The following ADAMTSL1 variants were observed in gnomAD, a reference collection of about 807,000 sequenced individuals.
ADAMTSL1 encodes ADAMTS like 1, also known as ADAMTS-like protein 1.
ADAMTSL1 carries 126 observed loss-of-function variants against 201.8 expected under a neutral mutation model. The ratio of observed to expected loss-of-function variants is 0.62; its 90% CI spans 0.54 to 0.72. The LOEUF (loss-of-function observed/expected upper bound fraction) is 0.72. Ranked by LOEUF, ADAMTSL1 falls within the 30% of genes least tolerant of loss-of-function variation. The pLI, the probability that ADAMTSL1 is intolerant of heterozygous loss-of-function variation, is 0.00. For missense variants in ADAMTSL1, 2,679 were observed against 2,277.8 expected, an observed-to-expected ratio of 1.18 and a Z score of -3.59; for synonymous variants, 1,121 against 903.4, an observed-to-expected ratio of 1.24 and a Z score of -4.32.
At chr9:18,464,862 C>T (rs988286295) in intron 2 of ADAMTSL1, among the ~76,000 whole-genome samples, 1 of 152,108 alleles carries the variant, frequency 6.6e-6, no homozygotes, top group African/African-American at 2.4e-5. Context: ...TTGTTTAAAA[C>T]TATAGACTGA....
chr9:17,971,660 C>G (rs1294062000), intron 1 of ADAMTSL1, among the ~76,000 whole-genome samples: 1 of 151,886 alleles, frequency 6.6e-6, no homozygotes, highest in African/African-American at 2.4e-5. Flanking sequence ...AGTAGCTTTG[C>G]AAATTTAACT....
At chr9:17,916,168 A>C (rs1204856012) in intron 1 of ADAMTSL1, among the ~76,000 whole-genome samples, 4 of 152,152 alleles carry the variant, frequency 2.6e-5, no homozygotes, top group Non-Finnish European at 1.5e-5. Flanking sequence ...TGGTCTGCTC[A>C]CTTCAGCCTC....
intron 15 of ADAMTSL1, chr9:18,723,257 T>C (rs565909059): frequency 1.6e-6 from 1 of 615,562 alleles, no homozygotes; most frequent in East Asian, 2.8e-5. Flanking sequence ...CTACTCCTGC[T>C]GCTGTGTGCT....
intron 2 of ADAMTSL1, among the ~76,000 whole-genome samples, chr9:18,285,881 A>G (rs1265073108): frequency 6.6e-6 from 1 of 152,210 alleles, no homozygotes; most frequent in Admixed American, 6.5e-5. Flanking sequence ...ACCCATTTAA[A>G]GTGTGCAATT....
intron 7 of ADAMTSL1, among the ~76,000 whole-genome samples, chr9:18,648,964 A>T (rs1248647016): frequency 2.6e-5 from 4 of 152,148 alleles, no homozygotes; most frequent in Admixed American, 2.0e-4. Context: ...GTTCTCCTGG[A>T]TAATATCCTG....
At chr9:18,159,492 T>C (rs1796865778) in intron 1 of ADAMTSL1, among the ~76,000 whole-genome samples, 1 of 152,066 alleles carries the variant, frequency 6.6e-6, no homozygotes, top group African/African-American at 2.4e-5. Flanking sequence ...AAGAACTTTA[T>C]AGCTACGTGG....
intron 23 of ADAMTSL1, among the ~76,000 whole-genome samples, chr9:18,836,420 G>A (rs1319787079): frequency 6.6e-6 from 1 of 152,052 alleles, no homozygotes; most frequent in Non-Finnish European, 1.5e-5. Context: ...CTGTGCAGAA[G>A]CTCTTTAGTT....
chr9:18,325,025 A>G (rs377303331), intron 2 of ADAMTSL1, among the ~76,000 whole-genome samples: 18 of 152,332 alleles, frequency 1.2e-4, no homozygotes, highest in African/African-American at 4.3e-4. Flanking sequence ...AGGAAAATGC[A>G]AATTATAATC....
At chr9:18,671,220 T>A (rs541550140) in intron 9 of ADAMTSL1, among the ~76,000 whole-genome samples, 68 of 151,874 alleles carry the variant, frequency 4.5e-4, no homozygotes, top group Non-Finnish European at 6.0e-4. Context: ...GTATTAGGGG[T>A]GTTAAGAAGA....
chr9:18,074,506 CTTTTCTTCTT>C (rs1165562716), intron 1 of ADAMTSL1, among the ~76,000 whole-genome samples: 60 of 68,322 alleles, frequency 8.8e-4, no homozygotes, highest in Non-Finnish European at 6.8e-4. Flanking sequence ...CTTTTCTTTT[CTTTTCTTCTT>C]TTCTTTTCTT....
In ADAMTSL1 at chr9:18,753,302, G is replaced by A. The variant is rs1176728595; in HGVS notation, c.2011G>A (p.Glu671Lys). 1.2e-6 allele frequency: 2 copies of A among 1,610,658 alleles called. No homozygotes were observed. Among genetic ancestry groups the A allele is most frequent in the Admixed American group, 1.7e-5 (1 of 59,624 alleles). Residue 671 changes from glutamate to lysine, a missense_variant, in exon 16 of 29, where the codon GAA becomes AAA. Coordinates refer to ENST00000380548, the MANE Select transcript of ADAMTSL1 (RefSeq NM_001040272.6). ...CNLDPCPARWEIGKWSPCSLT... is the reference protein window; with the variant it reads ...CNLDPCPARWKIGKWSPCSLT... ...TCCTCTCTGATTTCTTCTCAGGTGGGAAATTGGCAAGTGGAGTCCATGTAG... is the reference window on the plus strand; with the variant it reads ...TCCTCTCTGATTTCTTCTCAGGTGGAAAATTGGCAAGTGGAGTCCATGTAG...
rs753852245 is a variant in ADAMTSL1, at chr9:18,031,626, G to A, written c.87+124704G>A. Among the ~76,000 whole-genome samples the A allele has an allele frequency of 3.4e-4, 51 of 152,196 alleles. 2 individuals are homozygous for A. Among genetic ancestry groups the A allele is most frequent in the Admixed American group, 2.4e-3 (36 of 15,276 alleles). On this transcript the variant is annotated intron_variant, in intron 1 of 29. Transcript: ENST00000680146. Reference sequence around the variant, plus strand: ...TCTGGGGAAGGGGAGATGGGAGGGTGAGAGATACCTGCCCCCACCCACCCT... The same window carrying A: ...TCTGGGGAAGGGGAGATGGGAGGGTAAGAGATACCTGCCCCCACCCACCCT...
At chr9:17,923,447 G>A (rs547587410) in intron 1 of ADAMTSL1, among the ~76,000 whole-genome samples, 3 of 149,986 alleles carry the variant, frequency 2.0e-5, no homozygotes, top group African/African-American at 4.9e-5. Flanking sequence ...CTGTTTGTCT[G>A]TTGTTGGTGT....
At chr9:18,165,357 A>G (rs1460848937) in intron 2 of ADAMTSL1, among the ~76,000 whole-genome samples, 2 of 151,950 alleles carry the variant, frequency 1.3e-5, no homozygotes, top group Non-Finnish European at 2.9e-5. Context: ...AGGAAATTGA[A>G]TAATATGAAC....
chr9:18,713,653 G>T (rs1408059946), intron 14 of ADAMTSL1, among the ~76,000 whole-genome samples: 2 of 150,454 alleles, frequency 1.3e-5, no homozygotes, highest in African/African-American at 4.9e-5. Context: ...AATAATGGGA[G>T]ACTTTAACAC....
At chr9:18,759,779 A>C (rs1009316012) in intron 16 of ADAMTSL1, among the ~76,000 whole-genome samples, 1 of 152,202 alleles carries the variant, frequency 6.6e-6, no homozygotes, top group African/African-American at 2.4e-5. Context: ...AAAACCTTGA[A>C]GGTACAGTGT....
At chr9:18,432,941 C>G (rs1819561061) in intron 2 of ADAMTSL1, among the ~76,000 whole-genome samples, 1 of 152,090 alleles carries the variant, frequency 6.6e-6, no homozygotes, top group Admixed American at 6.5e-5. Context: ...CTACAGGAAA[C>G]TATGTAGAGG....
At chr9:18,905,299 T>C (rs1423266800) in intron 26 of ADAMTSL1, among the ~76,000 whole-genome samples, 1 of 152,200 alleles carries the variant, frequency 6.6e-6, no homozygotes, top group African/African-American at 2.4e-5. Context: ...CTAAGTCTGC[T>C]TTCTGTTCAG....
At chr9:18,473,386 A>G (rs1821295959), upstream of ADAMTSL1, among the ~76,000 whole-genome samples, 1 of 152,154 alleles carries the variant, frequency 6.6e-6, no homozygotes, top group African/African-American at 2.4e-5. Flanking sequence ...TTCTTTTTAA[A>G]CTGGGGGATC....
Sources: allele counts gnomAD v4.1 joint callset (sites outside exome capture counted in the v4.1 genomes callset), GRCh38; gene constraint gnomAD v4.1.1; transcripts MANE v1.5; gene names NCBI Gene and HGNC (gene_info 2026-07-23, HGNC 2026-07-21).